The following AMPD3 variants were observed in gnomAD, a reference collection of about 807,000 sequenced individuals.
AMPD3 encodes AMP deaminase 3.
A neutral mutation model predicts 82.3 loss-of-function variants in AMPD3; 57 were observed. The observed-to-expected ratio is 0.69, with a 90% CI of 0.56 to 0.86. The LOEUF (loss-of-function observed/expected upper bound fraction) is 0.86, where lower values mean the gene tolerates loss of function less well. Among genes scored for constraint, AMPD3 ranks in the 40% least tolerant of loss-of-function variants. The probability of loss-of-function intolerance (pLI) is 0.00; values close to 1 mark genes in which losing one functional copy is unlikely to be tolerated. For missense variants in AMPD3, 870 were observed against 1,003.8 expected (o/e 0.87, Z 1.80); for synonymous variants, 381 against 394.7 (o/e 0.97, Z 0.41).
chr11:10,455,946 G>T, intron 1 of AMPD3: 1 of 985,420 alleles, frequency 1.0e-6, no homozygotes, highest in Non-Finnish European at 1.2e-6. Context: ...ATCGCTCGTT[G>T]CTACTCAGCT....
At chr11:10,497,604 A>G (rs72859103) in intron 10 of AMPD3, 72,485 of 984,940 alleles carry the variant, frequency 0.074, 2,989 homozygotes, top group Non-Finnish European at 0.08. Context: ...GCACGGGGAA[A>G]GAATTGAGTC....
chr11:10,488,586 T>A (rs573737850), intron 6 of AMPD3, among the ~76,000 whole-genome samples: 1 of 152,060 alleles, frequency 6.6e-6, no homozygotes, highest in Non-Finnish European at 1.5e-5. Context: ...GCTGCAGAGA[T>A]GTGGGGAGGT....
At chr11:10,499,893 G>A in intron 10 of AMPD3, 193 bp from the exon 11 acceptor site, 1 of 985,164 alleles carries the variant, frequency 1.0e-6, no homozygotes. Flanking sequence ...CGAAGGGGCA[G>A]ACCTTGGTGT....
At chr11:10,451,068 C>T (rs1312680727), upstream of AMPD3, 7 of 1,568,156 alleles carry the variant, frequency 4.5e-6, no homozygotes, top group East Asian at 2.4e-5. Flanking sequence ...GGCTGCGCTG[C>T]TGACCTTGGG....
chr11:10,485,873 C>A (rs1174091485), intron 5 of AMPD3, among the ~76,000 whole-genome samples: 1 of 152,034 alleles, frequency 6.6e-6, no homozygotes, highest in African/African-American at 2.4e-5. Context: ...GGCACTTAGG[C>A]TGATCAGTAA....
At chr11:10,501,860 C>A (rs1228880214) in intron 12 of AMPD3, 1 of 983,228 alleles carries the variant, frequency 1.0e-6, no homozygotes, top group African/African-American at 1.7e-5. Context: ...ATCTAATTTC[C>A]ATCTTTTATC....
chr11:10,494,858 C>A (rs1314670439), intron 7 of AMPD3, 41 bp from the exon 8 acceptor site: 2 of 1,596,504 alleles, frequency 1.3e-6, no homozygotes, highest in African/African-American at 2.7e-5. Flanking sequence ...TGCATGGTGG[C>A]TGCAGAACGA....
At chr11:10,495,404 G>A (rs534176509) in intron 8 of AMPD3, 166 bp from the exon 9 acceptor site, 5 of 984,242 alleles carry the variant, frequency 5.1e-6, no homozygotes, top group East Asian at 1.1e-4. Flanking sequence ...CTCCTAAAGT[G>A]GAACAAGAGC....
intron 2 of AMPD3, among the ~76,000 whole-genome samples, chr11:10,470,039 CAAA>C (rs58806706): frequency 2.4e-4 from 24 of 101,782 alleles, no homozygotes; most frequent in African/African-American, 6.9e-4. Flanking sequence ...GACTCCGTCT[CAAA>C]AAAAAAAAAA....
In AMPD3 at chr11:10,504,889, A is replaced by C. The variant is rs187750779; in HGVS notation, c.2127+230A>C. Among the ~76,000 whole-genome samples the C allele has an allele frequency of 2.6e-5, 4 of 152,306 alleles. No individual in the cohort carries two copies. The East Asian group carries it at 7.7e-4, about 29-fold the overall frequency. On this transcript the variant is annotated intron_variant, in intron 14 of 14. Transcript: ENST00000396553. ...GAGGCCTTCCCTGATCGCCCATTCTAAAATAGCCACACACTTGCTATTATT... is the reference window on the plus strand; with the variant it reads ...GAGGCCTTCCCTGATCGCCCATTCTCAAATAGCCACACACTTGCTATTATT...
chr11:10,494,791 T>A, intron 7 of AMPD3, 108 bp from the exon 8 acceptor site: 1 of 1,583,220 alleles, frequency 6.3e-7, no homozygotes, highest in Non-Finnish European at 8.6e-7. Flanking sequence ...ACATAGAAGA[T>A]GTCTTTCGGT....
In AMPD3 at chr11:10,487,379, A is replaced by AG. The variant is rs1849105293; in HGVS notation, c.939+16dup. On this transcript the variant is annotated intron_variant, in intron 6 of 14. Transcript: ENST00000396553. ...ACGTGAGAAAGGTGCGTTAGGGGCG[A>AG]GTGTTCACAGCTGCCTCACCCGGTC... 1 of 1,613,706 alleles carries AG rather than the reference A, an allele frequency of 6.2e-7. No individual in the cohort carries two copies. The highest frequency in any genetic ancestry group is 1.7e-4 in the Middle Eastern group (1 of 6,042).
rs59728390 is a variant in AMPD3 at position 10,486,208 on chromosome 11, C to T, written c.810-1027C>T. On this transcript the variant is annotated intron_variant, in intron 5 of 14. Coordinates refer to ENST00000396553, the MANE Select transcript of AMPD3 (RefSeq NM_001025389.2). ...GAGACTGAGTGAGATGGCCTTTAAA[C>T]TCCCTTCCGACTCTGAGGCTGTCCT... Among the ~76,000 whole-genome samples the T allele has an allele frequency of 9.1e-3, 1,380 of 152,260 alleles. 19 individuals carry two copies. The highest frequency in any genetic ancestry group is 0.032 in the African/African-American group (1,331 of 41,540).
chr11:10,460,750 G>A, intron 1 of AMPD3: 1 of 353,058 alleles, frequency 2.8e-6, no homozygotes, highest in Non-Finnish European at 4.0e-6. Flanking sequence ...TTGCAAAAAA[G>A]GAAAGAAATA....
chr11:10,493,166 A>G (rs539490090), intron 6 of AMPD3, among the ~76,000 whole-genome samples, 183 bp from the exon 7 acceptor site: 1 of 152,298 alleles, frequency 6.6e-6, no homozygotes, highest in Admixed American at 6.5e-5. Flanking sequence ...AGCAAGGCTG[A>G]AAGGGAGGGA....
chr11:10,505,480 A>G (rs904860695), intron 14 of AMPD3: 1 of 978,606 alleles, frequency 1.0e-6, no homozygotes, highest in Admixed American at 6.6e-5. Flanking sequence ...AAGCACAGCC[A>G]GGAATGAAGG....
chr11:10,456,029 C>G lies in AMPD3; in HGVS notation c.-6+581C>G. On this transcript the variant is annotated intron_variant, in intron 1 of 14. Coordinates refer to ENST00000396553, the MANE Select transcript of AMPD3 (RefSeq NM_001025389.2). The surrounding 1 kb of genome is among the most constrained non-coding windows in gnomAD (Gnocchi z 4.3). ...CAGCTGGGCAGGACGGCTGAGTTTA[C>G]TGTTGTAAAGAGGAAGCCGCCGCTT... The G allele has an allele frequency of 1.0e-6, 1 of 985,386 alleles. No homozygotes were observed. Among genetic ancestry groups the G allele is most frequent in the Non-Finnish European group, 1.2e-6 (1 of 829,928 alleles). The allele number at this position is 985,386 out of a possible 1,614,324, so 61.0% of individuals were successfully genotyped here.
chr11:10,471,438 C>T (rs1848586852), intron 2 of AMPD3, among the ~76,000 whole-genome samples: 1 of 152,106 alleles, frequency 6.6e-6, no homozygotes, highest in South Asian at 2.1e-4. Flanking sequence ...GCAACAAAAG[C>T]CAAAATTGAG....
At chr11:10,495,999 C>T (rs1009908089) in intron 9 of AMPD3, among the ~76,000 whole-genome samples, 2 of 150,510 alleles carry the variant, frequency 1.3e-5, no homozygotes, top group African/African-American at 2.4e-5. Flanking sequence ...CTCACTGCAA[C>T]CTCCACCTCC....
Sources: allele counts gnomAD v4.1 joint callset (sites outside exome capture counted in the v4.1 genomes callset), GRCh38; gene constraint gnomAD v4.1.1; non-coding constraint Gnocchi (gnomAD v3.1); transcripts MANE v1.5; gene names NCBI Gene and HGNC (gene_info 2026-07-23, HGNC 2026-07-21).